The following RBMS3 variants were observed in gnomAD, a reference collection of about 807,000 sequenced individuals.
The protein encoded by RBMS3 is RNA binding motif single stranded interacting protein 3, also known as RNA-binding motif, single-stranded-interacting protein 3.
In RBMS3, 27 loss-of-function variants were observed where a neutral mutation model predicts 66.8. The observed-to-expected ratio is 0.40, with a 90% CI of 0.30 to 0.56. The LOEUF (loss-of-function observed/expected upper bound fraction) is 0.56, where lower values mean the gene tolerates loss of function less well. Among genes scored for constraint, RBMS3 ranks in the 20% least tolerant of loss-of-function variants. RBMS3 has a pLI of 0.40. For missense variants in RBMS3, 513 were observed against 549.5 expected (o/e 0.93, Z 0.66); for synonymous variants, 188 against 183.0 (o/e 1.03, Z -0.22).
chr3:29,790,242 T>C (rs900497705), intron 6 of RBMS3, among the ~76,000 whole-genome samples: 8 of 152,190 alleles, frequency 5.3e-5, no homozygotes, highest in Non-Finnish European at 1.5e-5. Flanking sequence ...AAGTAGCATA[T>C]GAAATTTAAA....
Position 29,281,714 on chromosome 3 carries a change from C to A in RBMS3, c.33C>A (p.Tyr11Ter). MGKRLDQPQMYPQYTYYYPHY... is the reference protein window; with the variant it reads MGKRLDQPQM ...AACGCCTGGATCAGCCACAAATGTA[C>A]CCCCAGTACACTTACTACTATCCTC... Residue 11 changes from tyrosine to a stop codon, truncating the protein, a stop_gained, in exon 1 of 15, where the codon TAC becomes TAA. Coordinates refer to ENST00000383767, the MANE Select transcript of RBMS3 (RefSeq NM_001003793.3). LOFTEE classifies it high-confidence loss of function. The A allele has an allele frequency of 6.2e-7, 1 of 1,613,502 alleles. No individual in the cohort carries two copies. Among genetic ancestry groups the A allele is most frequent in the Non-Finnish European group, 8.5e-7 (1 of 1,179,666 alleles).
chr3:29,485,585 GCC>G (rs1257170107), intron 2 of RBMS3, among the ~76,000 whole-genome samples: 1 of 152,062 alleles, frequency 6.6e-6, no homozygotes, highest in Non-Finnish European at 1.5e-5. Flanking sequence ...GCTAGAGAAG[GCC>G]CACATAGAAA....
chr3:29,418,342 A>G (rs1199594375), intron 1 of RBMS3, among the ~76,000 whole-genome samples: 4 of 152,148 alleles, frequency 2.6e-5, no homozygotes, highest in Non-Finnish European at 5.9e-5. Context: ...CTGGTGGCCA[A>G]AATTAGAGGT....
intron 3 of RBMS3, among the ~76,000 whole-genome samples, chr3:29,563,423 C>A (rs924781370): frequency 6.6e-6 from 1 of 152,124 alleles, no homozygotes; most frequent in South Asian, 2.1e-4. Flanking sequence ...TTCTTTAGTA[C>A]CTGCCACATT....
At chr3:29,843,265 A>G (rs184053977) in intron 6 of RBMS3, among the ~76,000 whole-genome samples, 3 of 152,214 alleles carry the variant, frequency 2.0e-5, no homozygotes, top group Non-Finnish European at 4.4e-5. Context: ...AATATGCTGC[A>G]TATTTTTAGA....
Position 29,841,199 on chromosome 3 carries a change from G to A in RBMS3, c.638-27659G>A, listed in dbSNP as rs976986652. 2.6e-5 allele frequency among the ~76,000 whole-genome samples: 4 copies of A among 151,556 alleles called. No homozygotes were observed. In the South Asian group the frequency reaches 6.2e-4, roughly 24 times the overall value. On this transcript the variant is annotated intron_variant, in intron 6 of 14. Transcript: ENST00000383767. ...TTTCTCTTGGGTTGTGTATTTTTAT[G>A]TATTGACCTGTTGACACTCTGTATA...
intron 4 of RBMS3, among the ~76,000 whole-genome samples, chr3:29,694,126 C>A (rs1007424784): frequency 6.6e-6 from 1 of 151,504 alleles, no homozygotes; most frequent in Admixed American, 6.6e-5. Flanking sequence ...GCCAAGACAG[C>A]CTCTGGAGAG....
chr3:29,450,924 CA>C lies in RBMS3; in HGVS notation c.248+16010del, dbSNP rs1559371587. Among the ~76,000 whole-genome samples, 59 of 124,960 alleles carry C rather than the reference CA, an allele frequency of 4.7e-4. No individual in the cohort carries two copies. In the South Asian group the frequency reaches 1.0e-2, roughly 21 times the overall value. 82.0% of individuals were successfully genotyped at this position (124,960 alleles called of 152,430 possible). A position where few individuals can be genotyped will look rare whatever the true frequency, so the allele number is the denominator to read the frequency against. ...AGATACACACACACACACACACACA[CA>C]CACACACCCCCCACACACACACATG... is the stretch of plus-strand genomic sequence containing the variant. On this transcript the variant is annotated intron_variant, in intron 2 of 14. Coordinates refer to ENST00000383767, the MANE Select transcript of RBMS3 (RefSeq NM_001003793.3).
chr3:29,576,777 G>T (rs752246978), intron 3 of RBMS3, among the ~76,000 whole-genome samples: 11 of 152,164 alleles, frequency 7.2e-5, no homozygotes, highest in Non-Finnish European at 1.6e-4. Context: ...GGCCCATTGA[G>T]GGGTTCTGCC....
chr3:29,620,536 G>T (rs944176986), intron 4 of RBMS3, among the ~76,000 whole-genome samples: 3 of 151,862 alleles, frequency 2.0e-5, no homozygotes, highest in Admixed American at 2.0e-4. Context: ...TAATTGAGGT[G>T]GTCCACTTAC....
chr3:29,898,114 T>C (rs2060169915), intron 9 of RBMS3, among the ~76,000 whole-genome samples: 1 of 151,642 alleles, frequency 6.6e-6, no homozygotes, highest in Non-Finnish European at 1.5e-5. Context: ...TCCAAGTACA[T>C]AGGTCGATTA....
chr3:29,440,138 T>C (rs2041561522), intron 2 of RBMS3, among the ~76,000 whole-genome samples: 2 of 152,186 alleles, frequency 1.3e-5, no homozygotes, highest in Non-Finnish European at 1.5e-5. Flanking sequence ...TGGAAACACA[T>C]TTAAATTGTT....
At chr3:29,430,184 G>A (rs1180934774) in intron 1 of RBMS3, among the ~76,000 whole-genome samples, 2 of 151,764 alleles carry the variant, frequency 1.3e-5, no homozygotes, top group African/African-American at 2.4e-5. Context: ...AATGCTGACC[G>A]CTACCTGAAT....
intron 1 of RBMS3, among the ~76,000 whole-genome samples, chr3:29,353,570 A>T (rs1179513941): frequency 6.6e-6 from 1 of 152,046 alleles, no homozygotes; most frequent in Non-Finnish European, 1.5e-5. Context: ...ATCTGAAAGG[A>T]AAAGTCTGGT....
chr3:29,528,122 T>G (rs1378020175), intron 3 of RBMS3, among the ~76,000 whole-genome samples: 2 of 148,588 alleles, frequency 1.3e-5, no homozygotes, highest in Admixed American at 1.3e-4. Flanking sequence ...TTTTTTTTTT[T>G]TTTTTTTTGA....
intron 14 of RBMS3, among the ~76,000 whole-genome samples, chr3:30,003,068 T>TA (rs1406286570): frequency 6.6e-6 from 1 of 152,138 alleles, no homozygotes; most frequent in Non-Finnish European, 1.5e-5. Context: ...AAATGTAACT[T>TA]ACAGAGATAA....
At chr3:29,373,906 G>A (rs1020223673) in intron 1 of RBMS3, among the ~76,000 whole-genome samples, 13 of 152,168 alleles carry the variant, frequency 8.5e-5, no homozygotes, top group African/African-American at 2.4e-4. Flanking sequence ...ATCAAATGGC[G>A]TATTAGTATC....
At chr3:29,752,881 G>A (rs1322777893) in intron 5 of RBMS3, among the ~76,000 whole-genome samples, 1 of 152,156 alleles carries the variant, frequency 6.6e-6, no homozygotes, top group African/African-American at 2.4e-5. Flanking sequence ...GCCCAGTCAA[G>A]ATAAGATTAC....
intron 4 of RBMS3, among the ~76,000 whole-genome samples, chr3:29,710,619 C>T (rs1343849079): frequency 6.6e-6 from 1 of 152,134 alleles, no homozygotes; most frequent in African/African-American, 2.4e-5. Context: ...GAATCAGCTT[C>T]AAGTGAAAAC....
Sources: allele counts gnomAD v4.1 joint callset (sites outside exome capture counted in the v4.1 genomes callset), GRCh38; gene constraint gnomAD v4.1.1; transcripts MANE v1.5; gene names NCBI Gene and HGNC (gene_info 2026-07-23, HGNC 2026-07-21).